Variants in CSNK1G3 observed in about 807,000 individuals in gnomAD.
The protein encoded by CSNK1G3 is casein kinase I isoform gamma-3.
CSNK1G3 carries 23 observed loss-of-function variants against 64.3 expected under a neutral mutation model. The ratio of observed to expected loss-of-function variants is 0.36; its 90% confidence interval spans 0.26 to 0.51. The LOEUF (loss-of-function observed/expected upper bound fraction) is 0.51, where lower values mean the gene tolerates loss of function less well. Ranked by LOEUF, CSNK1G3 falls within the 20% of genes least tolerant of loss-of-function variation. The pLI, the probability that CSNK1G3 is intolerant of heterozygous loss-of-function variation, is 0.96. For synonymous variants in CSNK1G3, 158 were observed against 162.2 expected (o/e 0.97, Z 0.20); for missense variants, 357 against 510.5 (o/e 0.70, Z 2.90).
rs767568215 is a variant in CSNK1G3, at chr5:123,614,329, C to T, written c.1218-13C>T. On this transcript the variant is annotated splice_polypyrimidine_tract_variant and intron_variant, in intron 12 of 12. Coordinates refer to ENST00000345990, the Ensembl canonical transcript of CSNK1G3. Reference sequence around the variant, plus strand: ...TGCTTTTAAAATAAAAAGAGTGTTTCCCTCATCTGCAGGTGCTGCTGTTTT... The same window carrying T: ...TGCTTTTAAAATAAAAAGAGTGTTTTCCTCATCTGCAGGTGCTGCTGTTTT... The T allele has an allele frequency of 2.5e-6, 4 of 1,610,058 alleles. No homozygotes were observed. The African/African-American group carries it at 4.0e-5, about 16-fold the overall frequency.
chr5:123,517,661 A>G (rs1032814192), intron 1 of CSNK1G3, among the ~76,000 whole-genome samples: 2 of 152,186 alleles, frequency 1.3e-5, no homozygotes, highest in African/African-American at 4.8e-5. Flanking sequence ...TAGTTTTTGC[A>G]AGAAAAAGGA....
chr5:123,589,225 T>C (rs1561584713), intron 8 of CSNK1G3, among the ~76,000 whole-genome samples: 1 of 152,194 alleles, frequency 6.6e-6, no homozygotes, highest in Non-Finnish European at 1.5e-5. Flanking sequence ...GCTGGCGTTA[T>C]TAATGTAATA....
chr5:123,595,008 A>G (rs767787598), intron 10 of CSNK1G3, 31 bp from the exon 11 acceptor site: 1 of 1,590,932 alleles, frequency 6.3e-7, no homozygotes, highest in Non-Finnish European at 8.6e-7. Context: ...TTCTTCTTCC[A>G]TGCATGCCAT....
At chr5:123,547,495 A>T (rs773411142) in intron 2 of CSNK1G3, among the ~76,000 whole-genome samples, 1 of 152,150 alleles carries the variant, frequency 6.6e-6, no homozygotes, top group Admixed American at 6.6e-5. Flanking sequence ...GACCATTTTA[A>T]CAAGGGCAAT....
intron 10 of CSNK1G3, 50 bp from the exon 12 acceptor site, chr5:123,604,674 G>T (rs1795037624): frequency 4.5e-6 from 4 of 882,640 alleles, no homozygotes; most frequent in South Asian, 3.2e-5. Context: ...GTATATTTAT[G>T]AGCATGTGTG....
At chr5:123,529,569 A>T (rs1450009914) in intron 1 of CSNK1G3, among the ~76,000 whole-genome samples, 2 of 152,168 alleles carry the variant, frequency 1.3e-5, no homozygotes, top group African/African-American at 4.8e-5. Flanking sequence ...AGTACTCAGT[A>T]AATATTTGTT....
rs115254219 is a variant in CSNK1G3 at position 123,592,066 on chromosome 5, A to G, written c.1086+652A>G. Among the ~76,000 whole-genome samples, 584 of 152,142 alleles carry G rather than the reference A, an allele frequency of 3.8e-3. 5 individuals carry two copies. The highest frequency in any genetic ancestry group is 0.013 in the African/African-American group (547 of 41,558). ...TAAATACAGAAATAGCTATATTTAA[A>G]AAGAGAATAAGCTATATTACATGAA... is the stretch of plus-strand genomic sequence containing the variant. On this transcript the variant is annotated intron_variant, in intron 10 of 12. Transcript: ENST00000345990.
chr5:123,543,203 C>T (rs764634548), intron 1 of CSNK1G3, among the ~76,000 whole-genome samples: 20 of 152,074 alleles, frequency 1.3e-4, no homozygotes, highest in Non-Finnish European at 2.1e-4. Context: ...TTAATGTGCT[C>T]AGAGCTACTC....
intron 1 of CSNK1G3, among the ~76,000 whole-genome samples, chr5:123,514,292 CATT>C (rs1776759789): frequency 6.6e-6 from 1 of 152,142 alleles, no homozygotes; most frequent in Non-Finnish European, 1.5e-5. Context: ...TCAGCTTAAA[CATT>C]AGTGTGTTAT....
chr5:123,560,294 G>A (rs190443637), intron 4 of CSNK1G3, among the ~76,000 whole-genome samples: 2 of 152,146 alleles, frequency 1.3e-5, no homozygotes, highest in Non-Finnish European at 2.9e-5. Flanking sequence ...AAAAGCCACC[G>A]TGGAAAATTG....
intron 10 of CSNK1G3, among the ~76,000 whole-genome samples, chr5:123,599,150 C>T (rs556662752): frequency 2.0e-5 from 3 of 152,200 alleles, no homozygotes; most frequent in Admixed American, 2.0e-4. Flanking sequence ...AAAATCTGAT[C>T]CTATATAGAG....
chr5:123,587,330 AT>A (rs1791515722), intron 6 of CSNK1G3, among the ~76,000 whole-genome samples: 1 of 152,204 alleles, frequency 6.6e-6, no homozygotes, highest in Non-Finnish European at 1.5e-5. Context: ...TTTTGGTATT[AT>A]TTTGAAACAT....
At chr5:123,579,200 T>C (rs1789767733) in intron 6 of CSNK1G3, among the ~76,000 whole-genome samples, 2 of 151,892 alleles carry the variant, frequency 1.3e-5, no homozygotes. Context: ...CAGTAGGATG[T>C]GGCATCTTTC....
chr5:123,513,117 G>C (rs1268998921), intron 1 of CSNK1G3, among the ~76,000 whole-genome samples: 1 of 152,092 alleles, frequency 6.6e-6, no homozygotes, highest in Admixed American at 6.5e-5. Context: ...GGGACACAGG[G>C]ATTTACCTGT....
chr5:123,568,737 C>T (rs1176055942), intron 4 of CSNK1G3, among the ~76,000 whole-genome samples: 1 of 152,188 alleles, frequency 6.6e-6, no homozygotes, highest in East Asian at 1.9e-4. Context: ...TGCCACTGCA[C>T]TCTATGTTTG....
chr5:123,550,515 G>T (rs536618403), intron 2 of CSNK1G3, among the ~76,000 whole-genome samples: 1 of 152,162 alleles, frequency 6.6e-6, no homozygotes, highest in South Asian at 2.1e-4. Flanking sequence ...CATTCTGTAG[G>T]GGGAGAATGG....
At chr5:123,572,659 A>C (rs1561546121) in intron 4 of CSNK1G3, among the ~76,000 whole-genome samples, 1 of 152,126 alleles carries the variant, frequency 6.6e-6, no homozygotes, top group Non-Finnish European at 1.5e-5. Flanking sequence ...TGTGGCCCTT[A>C]CTTCCTCAAG....
intron 1 of CSNK1G3, among the ~76,000 whole-genome samples, chr5:123,530,639 T>A (rs2150086346): frequency 6.6e-6 from 1 of 152,276 alleles, no homozygotes; most frequent in East Asian, 1.9e-4. Context: ...GATCCACAGT[T>A]TGGAGAACAT....
chr5:123,602,450 A>C (rs1034843672), intron 10 of CSNK1G3, among the ~76,000 whole-genome samples: 1 of 152,340 alleles, frequency 6.6e-6, no homozygotes. Context: ...TGTAGACTAA[A>C]GTAAGAACTT....
Sources: allele counts gnomAD v4.1 joint callset (sites outside exome capture counted in the v4.1 genomes callset), GRCh38; gene constraint gnomAD v4.1.1; transcripts MANE v1.5; gene names NCBI Gene and HGNC (gene_info 2026-07-23, HGNC 2026-07-21).